PIAS2: variants seen among roughly 807,000 people sequenced by gnomAD.
PIAS2 encodes the protein protein inhibitor of activated STAT 2.
PIAS2 carries 19 observed loss-of-function variants against 69.7 expected under a neutral mutation model. The observed-to-expected ratio is 0.27, with a 90% CI of 0.19 to 0.40. The LOEUF (loss-of-function observed/expected upper bound fraction) is 0.40. PIAS2 is among the 10% of genes least tolerant of loss of function. The pLI is 1.00. For synonymous variants in PIAS2, 261 were observed against 263.2 expected (o/e 0.99, Z 0.08); for missense variants, 624 against 757.0 (o/e 0.82, Z 2.06).
At chr18:46,876,697 A>T (rs1407679808) in intron 2 of PIAS2, among the ~76,000 whole-genome samples, 2 of 142,948 alleles carry the variant, frequency 1.4e-5, no homozygotes, top group African/African-American at 5.2e-5. Flanking sequence ...CCCTTTACTA[A>T]TTTTTTTTTT....
At chr18:46,869,755 A>T (rs2050049383) in intron 2 of PIAS2, among the ~76,000 whole-genome samples, 1 of 152,178 alleles carries the variant, frequency 6.6e-6, no homozygotes, top group Non-Finnish European at 1.5e-5. Context: ...GCTCATCCTC[A>T]CACCCTCAGT....
At chr18:46,854,926 A>G (rs2047518333) in intron 5 of PIAS2, among the ~76,000 whole-genome samples, 1 of 152,086 alleles carries the variant, frequency 6.6e-6, no homozygotes, top group Admixed American at 6.6e-5. Context: ...GCTGTTTGAT[A>G]TGATCCCAAG....
intron 2 of PIAS2, among the ~76,000 whole-genome samples, chr18:46,874,701 G>A (rs762666277): frequency 6.6e-6 from 1 of 152,056 alleles, no homozygotes; most frequent in Non-Finnish European, 1.5e-5. Context: ...ACATTCCTAC[G>A]TTTGAAACTA....
intron 12 of PIAS2, chr18:46,816,056 G>C (rs1263721988): frequency 1.0e-6 from 1 of 984,318 alleles, no homozygotes; most frequent in Non-Finnish European, 1.2e-6. Context: ...GGTCTGAAAA[G>C]TCTAGTAATA....
At chr18:46,850,758 C>T (rs1224606556) in intron 5 of PIAS2, among the ~76,000 whole-genome samples, 1 of 152,092 alleles carries the variant, frequency 6.6e-6, no homozygotes, top group Non-Finnish European at 1.5e-5. Context: ...CTACCTAGAC[C>T]CATTATATGA....
At chr18:46,883,310 T>C (rs2052597802) in intron 2 of PIAS2, among the ~76,000 whole-genome samples, 3 of 152,150 alleles carry the variant, frequency 2.0e-5, no homozygotes, top group African/African-American at 7.2e-5. Context: ...TCATAAAACT[T>C]TGAAGGTATT....
In PIAS2 at chr18:46,890,560, C is replaced by T. The variant is rs2053919068; in HGVS notation, c.499+20G>A. The T allele has an allele frequency of 2.1e-6, 3 of 1,447,236 alleles. No homozygotes were observed. The highest frequency in any genetic ancestry group is 1.2e-5 in the South Asian group (1 of 84,786). The allele number at this position is 1,447,236 out of a possible 1,614,324, so 89.6% of individuals were successfully genotyped here. A position where few individuals can be genotyped will look rare whatever the true frequency, so the allele number is the denominator to read the frequency against. On this transcript the variant is annotated intron_variant, in intron 2 of 13. Coordinates refer to ENST00000585916, the MANE Select transcript of PIAS2 (RefSeq NM_004671.5). ...CATTTACTATCTTGTTCAGAAGAAA[C>T]TGAATTCTCAAACACTTACCTAAAC...
At chr18:46,909,897 T>C (rs1020951096) in intron 1 of PIAS2, among the ~76,000 whole-genome samples, 9 of 152,174 alleles carry the variant, frequency 5.9e-5, no homozygotes, top group African/African-American at 2.2e-4. Flanking sequence ...CCAGACACAG[T>C]AGCTCACACC....
chr18:46,808,411 C>T lies in PIAS2; in HGVS notation c.*4022G>A, dbSNP rs2040814026. 1 of 152,174 alleles carries T rather than the reference C, an allele frequency of 6.6e-6. No homozygotes were observed. Among genetic ancestry groups the T allele is most frequent in the African/African-American group, 2.4e-5 (1 of 41,446 alleles). The allele number at this position is 152,174 out of a possible 1,614,324, so 9.4% of individuals were successfully genotyped here. On this transcript the variant is annotated 3_prime_UTR_variant, in exon 14 of 14. Transcript: ENST00000585916. The stretch of plus-strand genomic sequence containing the variant: ...AGCATTAAAGAATGGACATTGGGTA[C>T]AGCTTTATTTATTTCTTTTAGGAAT...
Position 46,917,403 on chromosome 18 carries a change from A to C in PIAS2, c.-58T>G. On this transcript the variant is annotated 5_prime_UTR_variant, in exon 1 of 14. Coordinates refer to ENST00000585916, the MANE Select transcript of PIAS2 (RefSeq NM_004671.5). The stretch of plus-strand genomic sequence containing the variant: ...CGCCGCACCCACTCCCGCTGCCGCC[A>C]ACGACGCTGCCGCCACCACGGCCGC... 1 of 1,421,988 alleles carries C rather than the reference A, an allele frequency of 7.0e-7. No individual in the cohort carries two copies. The highest frequency in any genetic ancestry group is 9.2e-7 in the Non-Finnish European group (1 of 1,081,636). 88.1% of individuals were successfully genotyped at this position (1,421,988 alleles called of 1,614,324 possible). A position where few individuals can be genotyped will look rare whatever the true frequency, so the allele number is the denominator to read the frequency against.
At chr18:46,850,612 G>A (rs1437540736) in intron 5 of PIAS2, among the ~76,000 whole-genome samples, 3 of 152,066 alleles carry the variant, frequency 2.0e-5, no homozygotes. Flanking sequence ...ACTTCATATG[G>A]TGCTACATCA....
chr18:46,907,612 A>G (rs1359539542), intron 1 of PIAS2: 3 of 152,260 alleles, frequency 2.0e-5, no homozygotes, highest in Admixed American at 1.3e-4. Flanking sequence ...AACATATCCA[A>G]TAACAAAAAC....
intron 6 of PIAS2, among the ~76,000 whole-genome samples, chr18:46,845,493 T>C (rs2046035728): frequency 6.6e-6 from 1 of 152,126 alleles, no homozygotes; most frequent in African/African-American, 2.4e-5. Flanking sequence ...GTAAGACACA[T>C]GAAGAATGAT....
At chr18:46,920,021 CAGTA>C, upstream of PIAS2, 2 of 1,276,610 alleles carry the variant, frequency 1.6e-6, no homozygotes, top group Non-Finnish European at 1.0e-6. Flanking sequence ...AAACACAAAA[CAGTA>C]AGAAAAGAAA....
Position 46,890,770 on chromosome 18 carries a change from C to T in PIAS2, c.309G>A (p.Ser103=), listed in dbSNP as rs202206178. 1.1e-4 allele frequency: 180 copies of T among 1,614,118 alleles called. No individual in the cohort carries two copies. The highest frequency in any genetic ancestry group is 1.4e-4 in the Non-Finnish European group (163 of 1,180,024). ...GAGGTGTAACTGAAGTGGAAGGCAA[C>T]GAGTGGATTCCAGCCACGGCCAAGT... ...EPDLAVAGIH[S]LPSTSVTPHS... The change falls in exon 2 of 14, where the codon TCG becomes TCA. Residue 103 remains serine, a synonymous_variant. Coordinates refer to ENST00000585916, the MANE Select transcript of PIAS2 (RefSeq NM_004671.5).
At chr18:46,854,935 A>T (rs2047519900) in intron 5 of PIAS2, among the ~76,000 whole-genome samples, 1 of 152,018 alleles carries the variant, frequency 6.6e-6, no homozygotes, top group Non-Finnish European at 1.5e-5. Flanking sequence ...TATGATCCCA[A>T]GAGTGTTTCA....
intron 9 of PIAS2, among the ~76,000 whole-genome samples, chr18:46,832,809 T>C (rs1218551939): frequency 3.3e-5 from 5 of 150,380 alleles, no homozygotes; most frequent in Non-Finnish European, 7.4e-5. Context: ...GGAGAATCAC[T>C]TGAACCTGGG....
At chr18:46,870,948 G>A (rs532460769) in intron 2 of PIAS2, among the ~76,000 whole-genome samples, 3 of 152,038 alleles carry the variant, frequency 2.0e-5, no homozygotes, top group Non-Finnish European at 4.4e-5. Flanking sequence ...AAGGAATTCA[G>A]GAATCAGTAC....
intron 12 of PIAS2, chr18:46,817,664 T>C (rs1327808590): frequency 1.0e-6 from 1 of 964,582 alleles, no homozygotes; most frequent in Non-Finnish European, 1.2e-6. Flanking sequence ...AAATATTGGT[T>C]GGAATTCTAG....
Sources: gnomAD v4.1 joint callset for allele counts (sites outside exome capture counted in the v4.1 genomes callset) on GRCh38, gnomAD v4.1.1 for gene constraint, MANE v1.5 for transcripts, NCBI Gene and HGNC (gene_info 2026-07-23, HGNC 2026-07-21) for gene names.